The following TBX1 variants were observed in gnomAD, a reference collection of about 807,000 sequenced individuals.
TBX1 encodes T-box transcription factor 1.
A neutral mutation model predicts 40.8 loss-of-function variants in TBX1; 16 were observed. That is an observed-to-expected ratio of 0.39 (90% CI 0.27 to 0.60). The LOEUF (loss-of-function observed/expected upper bound fraction) is 0.60, where lower values mean the gene tolerates loss of function less well. Among genes scored for constraint, TBX1 ranks in the 20% least tolerant of loss-of-function variants. TBX1 has a pLI of 0.51. For synonymous variants in TBX1, 403 were observed against 336.8 expected, an observed-to-expected ratio of 1.20 and a Z score of -2.15; for missense variants, 755 against 728.5, an observed-to-expected ratio of 1.04 and a Z score of -0.42.
At position 19,765,060 on chromosome 22, in the gene TBX1, T is replaced by C. The variant is rs1936785926; in HGVS notation, c.814T>C (p.Phe272Leu). ...ATATGCCGAGGAGAACTTCAAAACC[T>C]TTGTGTTCGAGGAGACACGATTCAC... ...EKYAEENFKT[F>L]VFEETRFTAV... is the part of the protein sequence containing the mutation. The change falls in exon 4 of 7, where the codon TTT becomes CTT. Residue 272 changes from phenylalanine (F) to leucine (L), a missense_variant. Physicochemically the swap from Phe to Leu is conservative, Grantham distance 22. This residue lies in a region of TBX1 where 144 missense variants were observed against 238.0 expected (regional missense o/e 0.61). Coordinates refer to ENST00000649276, the MANE Select transcript of TBX1 (RefSeq NM_001379200.1). 1.2e-6 allele frequency: 2 copies of C among 1,614,212 alleles called. No individual in the cohort carries two copies. The highest frequency in any genetic ancestry group is 1.7e-6 in the Non-Finnish European group (2 of 1,180,036).
rs1937112059 is a variant in TBX1 at position 19,779,226 on chromosome 22, A to G, written c.1016A>G (p.His339Arg). The G allele has an allele frequency of 1.2e-6, 2 of 1,614,226 alleles. No individual in the cohort carries two copies. Among genetic ancestry groups the G allele is most frequent in the Non-Finnish European group, 1.7e-6 (2 of 1,180,028 alleles). ...GGATGGGGTTGTCACCCAGGTGGAC[A>G]TGTCCTGAAGGACAAGGAAGTGAAA... is the stretch of plus-strand genomic sequence containing the variant. The change falls in exon 9 of 9, where the codon CAT becomes CGT. Residue 339 changes from histidine to arginine, a missense_variant. Physicochemically the swap from His to Arg is conservative, Grantham distance 29. Transcript: ENST00000329705.
chr22:19,783,198 G>A (rs958667603), downstream of TBX1: 3 of 649,044 alleles, frequency 4.6e-6, no homozygotes, highest in East Asian at 2.8e-5. Context: ...CGGAGCCCAC[G>A]TGCCCAGAAT....
chr22:19,757,558 G>C (rs1000115486), upstream of TBX1, among the ~76,000 whole-genome samples: 1 of 152,170 alleles, frequency 6.6e-6, no homozygotes, highest in African/African-American at 2.4e-5. Context: ...GCACATGCAG[G>C]AGCCCCACCC....
chr22:19,771,528 C>T (rs898146850), downstream of TBX1, among the ~76,000 whole-genome samples: 1 of 152,196 alleles, frequency 6.6e-6, no homozygotes, highest in African/African-American at 2.4e-5. Flanking sequence ...AAATTATCTT[C>T]TTAATTATAA....
chr22:19,777,613 G>A (rs778054552), intron 8 of TBX1, among the ~76,000 whole-genome samples: 9 of 152,126 alleles, frequency 5.9e-5, no homozygotes, highest in East Asian at 1.9e-4. Flanking sequence ...TATAAAGAGC[G>A]TGCTGGCCTT....
upstream of TBX1, among the ~76,000 whole-genome samples, chr22:19,760,643 CG>C (rs1936619067): frequency 1.5e-5 from 1 of 66,558 alleles, no homozygotes; most frequent in Non-Finnish European, 2.8e-5. Context: ...GGGCGAGGGC[CG>C]GGGGAGGGAT....
Position 19,763,593 on chromosome 22 carries a change from G to GACC in TBX1, c.539+251_539+252insACC, listed in dbSNP as rs1936738001. ...AGCTCTTGCTCCCCTGGGCTGGTGTGGCCCTAGGGTGGTCAGCCAAGTACT... is the reference window on the plus strand; with the variant it reads ...AGCTCTTGCTCCCCTGGGCTGGTGTGACCGCCCTAGGGTGGTCAGCCAAGTACT... On this transcript the variant is annotated intron_variant, in intron 2 of 6. Transcript: ENST00000649276. 40 of 548,130 alleles carry GACC rather than the reference G, an allele frequency of 7.3e-5. No homozygotes were observed. In the South Asian group the frequency reaches 7.9e-4, roughly 11 times the overall value. 34.0% of individuals were successfully genotyped at this position (548,130 alleles called of 1,614,324 possible). A position where few individuals can be genotyped will look rare whatever the true frequency, so the allele number is the denominator to read the frequency against.
downstream of TBX1, among the ~76,000 whole-genome samples, chr22:19,780,800 T>TTTTG (rs1937134988): frequency 6.7e-6 from 1 of 149,630 alleles, no homozygotes; most frequent in Non-Finnish European, 1.5e-5. Context: ...TTTTTTTTTT[T>TTTTG]GAGATGGAGT....
downstream of TBX1, among the ~76,000 whole-genome samples, chr22:19,771,721 G>A (rs1936993270): frequency 6.6e-6 from 1 of 152,172 alleles, no homozygotes; most frequent in Non-Finnish European, 1.5e-5. Context: ...GTTCTGAGGT[G>A]CACAGGGTTT....
intron 1 of TBX1, among the ~76,000 whole-genome samples, chr22:19,762,131 T>C (rs1936688238): frequency 6.6e-6 from 1 of 152,184 alleles, no homozygotes; most frequent in African/African-American, 2.4e-5. Flanking sequence ...TCCAGCTCTG[T>C]GGTTTTTTTC....
upstream of TBX1, chr22:19,756,806 C>G (rs917451228): frequency 3.3e-5 from 5 of 152,542 alleles, no homozygotes; most frequent in Non-Finnish European, 7.3e-5. Context: ...GCGTGCGGAA[C>G]CCGCGTGTGC....
chr22:19,761,751 G>A (rs1323690959), intron 1 of TBX1, among the ~76,000 whole-genome samples: 1 of 152,234 alleles, frequency 6.6e-6, no homozygotes, highest in African/African-American at 2.4e-5. Flanking sequence ...CGGCAGCCGG[G>A]CAACTCTCTG....
intron 1 of TBX1, among the ~76,000 whole-genome samples, chr22:19,761,562 C>T (rs1028509443): frequency 1.3e-5 from 2 of 151,820 alleles, no homozygotes; most frequent in Admixed American, 6.6e-5. Context: ...CTCGCCCGCC[C>T]GCCCCGCAGC....
At chr22:19,770,368 C>A (rs796358739), downstream of TBX1, among the ~76,000 whole-genome samples, 3 of 152,226 alleles carry the variant, frequency 2.0e-5, no homozygotes, top group African/African-American at 7.2e-5. Flanking sequence ...TGCAGCTGGA[C>A]GATCCTGCAG....
At chr22:19,780,787 TG>T (rs777162891), downstream of TBX1, among the ~76,000 whole-genome samples, 11 of 145,020 alleles carry the variant, frequency 7.6e-5, no homozygotes, top group Admixed American at 1.4e-4. Flanking sequence ...TTTTTTTTTT[TG>T]TTTTTTTTTT....
In TBX1 at chr22:19,779,431, C is replaced by G. The variant is rs41298008; in HGVS notation, c.*24C>G. ...GAATGCTGAGGCCGGGCCATGGGCA[C>G]ATGGAGTTGTCGTGTTTCCCTTCAC... On this transcript the variant is annotated 3_prime_UTR_variant, in exon 9 of 9. Coordinates refer to the TBX1 transcript ENST00000329705. 0.015 allele frequency: 23,804 copies of G among 1,613,936 alleles called. 341 individuals are homozygous for G. The highest frequency in any genetic ancestry group is 0.044 in the South Asian group (4,033 of 91,058).
exon 9 of TBX1, chr22:19,779,532 A>G: frequency 6.6e-7 from 1 of 1,525,596 alleles, no homozygotes; most frequent in Non-Finnish European, 8.8e-7. Context: ...AATAAAGTGC[A>G]TGTTTTGTAA....
chr22:19,780,776 GTTTT>G (rs564336679), downstream of TBX1, among the ~76,000 whole-genome samples: 7 of 119,104 alleles, frequency 5.9e-5, no homozygotes, highest in Non-Finnish European at 8.3e-5. Context: ...CTTGTTTTCT[GTTTT>G]TTTTTTTGTT....
At chr22:19,762,189 C>T (rs1025258267) in intron 1 of TBX1, among the ~76,000 whole-genome samples, 9 of 152,258 alleles carry the variant, frequency 5.9e-5, no homozygotes, top group Admixed American at 1.3e-4. Flanking sequence ...CTGAGGACAG[C>T]GGCAGCCCAG....
Sources: gnomAD v4.1 joint callset for allele counts (sites outside exome capture counted in the v4.1 genomes callset) on GRCh38, gnomAD v4.1.1 for gene constraint, gnomAD v4.1.1 regional missense constraint, MANE v1.5 for transcripts, NCBI Gene and HGNC (gene_info 2026-07-23, HGNC 2026-07-21) for gene names.